Variants in KDM5B observed in about 807,000 individuals in gnomAD.
KDM5B encodes the protein lysine demethylase 5B.
KDM5B carries 144 observed loss-of-function variants against 193.4 expected under a neutral mutation model. The ratio of observed to expected loss-of-function variants is 0.74; its 90% CI spans 0.65 to 0.86. The LOEUF (loss-of-function observed/expected upper bound fraction) is 0.86. KDM5B is among the 40% of genes least tolerant of loss of function. KDM5B has a pLI of 0.00. For synonymous variants in KDM5B, 668 were observed against 682.6 expected (o/e 0.98, Z 0.33); for missense variants, 1,833 against 1,886.9 (o/e 0.97, Z 0.53).
At chr1:202,747,585 A>AAAC (rs1655613002) in intron 14 of KDM5B, among the ~76,000 whole-genome samples, 1 of 151,888 alleles carries the variant, frequency 6.6e-6, no homozygotes, top group African/African-American at 2.4e-5. Flanking sequence ...AAAAAAAAAA[A>AAAC]ACAGTATTAC....
chr1:202,770,572 T>A (rs1656671920), intron 4 of KDM5B, among the ~76,000 whole-genome samples: 2 of 152,190 alleles, frequency 1.3e-5, no homozygotes, highest in Non-Finnish European at 2.9e-5. Flanking sequence ...CTAAACATTC[T>A]ACAATAGAAG....
rs1343724403 is a variant in KDM5B, at chr1:202,728,978, A to C, written c.*58T>G. On this transcript the variant is annotated 3_prime_UTR_variant, in exon 27 of 27. Transcript: ENST00000367265. ...TGTAGCTTTGCTGAGATTTGAAGAA[A>C]TCCTCTTGGTTGGAGTCCTGAATTA... 1 of 1,608,010 alleles carries C rather than the reference A, an allele frequency of 6.2e-7. No individual in the cohort carries two copies. The highest frequency in any genetic ancestry group is 2.2e-5 in the East Asian group (1 of 44,838).
intron 22 of KDM5B, among the ~76,000 whole-genome samples, chr1:202,734,631 T>G (rs1360545010): frequency 8.5e-5 from 13 of 152,196 alleles, no homozygotes; most frequent in Non-Finnish European, 5.9e-5. Context: ...TTTCAGTTAG[T>G]CTTTATAAAA....
At position 202,731,808 on chromosome 1, in the gene KDM5B, C is replaced by T. The variant is rs755488963; in HGVS notation, c.4021+20G>A. ...TCACTCATTACTATCCAGCCCTCAA[C>T]GTAATAACAAAATACAAACCATGGA... On this transcript the variant is annotated intron_variant, in intron 24 of 26. Coordinates refer to ENST00000367265, the MANE Select transcript of KDM5B (RefSeq NM_006618.5). 1.0e-5 allele frequency: 15 copies of T among 1,499,228 alleles called. No homozygotes were observed. The highest frequency in any genetic ancestry group is 9.0e-5 in the East Asian group (4 of 44,308). The allele number at this position is 1,499,228 out of a possible 1,614,324, so 92.9% of individuals were successfully genotyped here.
In KDM5B at chr1:202,728,913, A is replaced by G. The variant is rs527249522; in HGVS notation, c.*123T>C. On this transcript the variant is annotated 3_prime_UTR_variant, in exon 27 of 27. Transcript: ENST00000367265. The stretch of plus-strand genomic sequence containing the variant: ...CTGGAAAAATGATCCCATAAGGAAT[A>G]GAAATAGCACCGTTTACAGGCTGGC... 7.1e-5 allele frequency: 79 copies of G among 1,109,798 alleles called. No individual in the cohort carries two copies. The Middle Eastern group carries it at 1.9e-3, about 26-fold the overall frequency. The allele number at this position is 1,109,798 out of a possible 1,614,324, so 68.7% of individuals were successfully genotyped here. A position where few individuals can be genotyped will look rare whatever the true frequency, so the allele number is the denominator to read the frequency against.
At chr1:202,776,319 C>T (rs1394161801) in intron 2 of KDM5B, 1 of 152,120 alleles carries the variant, frequency 6.6e-6, no homozygotes, top group Non-Finnish European at 1.5e-5. Context: ...CTCAGTAAAC[C>T]TTCCTGTGAT....
intron 25 of KDM5B, 89 bp from the exon 26 acceptor site, chr1:202,730,116 A>T: frequency 9.1e-7 from 1 of 1,103,430 alleles, no homozygotes; most frequent in Non-Finnish European, 1.3e-6. Flanking sequence ...TAAATTAGAA[A>T]TCAGATGATC....
chr1:202,766,157 G>A (rs1656448126), intron 5 of KDM5B, among the ~76,000 whole-genome samples: 1 of 152,102 alleles, frequency 6.6e-6, no homozygotes, highest in African/African-American at 2.4e-5. Flanking sequence ...CAAAGTTGCA[G>A]TAAGCTATGA....
chr1:202,741,936 T>C (rs554465128), intron 18 of KDM5B, among the ~76,000 whole-genome samples: 1 of 122,236 alleles, frequency 8.2e-6, no homozygotes, highest in African/African-American at 2.5e-5. Flanking sequence ...GGTCACTTTC[T>C]CTTTTTTTTT....
intron 23 of KDM5B, chr1:202,732,151 C>T (rs1267725897): frequency 2.0e-6 from 1 of 507,596 alleles, no homozygotes; most frequent in Non-Finnish European, 3.4e-6. Context: ...TTAATCTTTC[C>T]AGTTTTACTT....
At chr1:202,738,118 TCCTTAAATATATGATGCAAAAAAA>T (rs1655165095) in intron 20 of KDM5B, among the ~76,000 whole-genome samples, 2 of 152,186 alleles carry the variant, frequency 1.3e-5, no homozygotes. Context: ...TGTGTAGCAG[TCCTTAAATATATGATGCAAAAAAA>T]AGGTAGGCTA....
At position 202,746,116 on chromosome 1, in the gene KDM5B, G is replaced by GA. The variant is rs3216061; in HGVS notation, c.2198+25dup. The GA allele has an allele frequency of 0.75, 1,168,696 of 1,557,406 alleles. 444,752 individuals are homozygous for GA. The highest frequency in any genetic ancestry group is 0.84 in the Admixed American group (46,319 of 55,432). ...AGTAAGGATCAACTGTTTTCCATAG[G>GA]AAAAAAAATCGTTCTTCCTACTTAC... On this transcript the variant is annotated intron_variant, in intron 15 of 26. Coordinates refer to ENST00000367265, the MANE Select transcript of KDM5B (RefSeq NM_006618.5).
At chr1:202,787,728 A>T (rs1185204855) in intron 1 of KDM5B, among the ~76,000 whole-genome samples, 1 of 151,844 alleles carries the variant, frequency 6.6e-6, no homozygotes, top group African/African-American at 2.4e-5. Context: ...ACTTTAAAAA[A>T]AAAAAATACA....
chr1:202,751,385 G>A (rs914523526), intron 12 of KDM5B, among the ~76,000 whole-genome samples: 4 of 152,150 alleles, frequency 2.6e-5, no homozygotes, highest in Non-Finnish European at 4.4e-5. Flanking sequence ...CTAGGAGCTT[G>A]TTGGAAATGC....
chr1:202,788,224 T>C (rs1657492379), intron 1 of KDM5B, among the ~76,000 whole-genome samples: 1 of 152,166 alleles, frequency 6.6e-6, no homozygotes, highest in South Asian at 2.1e-4. Context: ...TAAAGTCCTA[T>C]CACCAAAAAG....
chr1:202,778,090 G>A (rs1483479782), intron 1 of KDM5B, among the ~76,000 whole-genome samples: 8 of 151,824 alleles, frequency 5.3e-5, no homozygotes, highest in African/African-American at 1.7e-4. Flanking sequence ...CAGGAGAATC[G>A]CTGGAACACA....
Position 202,741,734 on chromosome 1 carries a change from T to A in KDM5B, c.2590-12A>T. 1 of 1,476,142 alleles carries A rather than the reference T, an allele frequency of 6.8e-7. No individual in the cohort carries two copies. Among genetic ancestry groups the A allele is most frequent in the South Asian group, 1.2e-5 (1 of 85,790 alleles). 91.4% of individuals were successfully genotyped at this position (1,476,142 alleles called of 1,614,324 possible). On this transcript the variant is annotated splice_polypyrimidine_tract_variant and intron_variant, in intron 18 of 26. Coordinates refer to ENST00000367265, the MANE Select transcript of KDM5B (RefSeq NM_006618.5). ...CGATTCAAGAGATCCTAAAAAAAAA[T>A]ACACAGGTTGTTGCATTAAAACAGT...
rs1655538203 is a variant in KDM5B at position 202,745,969 on chromosome 1, G to C, written c.2212C>G (p.Leu738Val). ...YKYKLRYRYT[L>V]DDLYPMMNAL... ...TTCATCATAGGGTAGAGATCATCCA[G>C]CGTGTACCTATACCTGGAAATAATA... is the stretch of plus-strand genomic sequence containing the variant. Residue 738 changes from leucine to valine, a missense_variant, in exon 16 of 27, where the codon CTG becomes GTG. Leu to Val is a conservative substitution (Grantham distance 32, BLOSUM62 1). Around this residue, in one of 3 missense-constraint regions of KDM5B, gnomAD observed 1,379 missense variants for 1,349.6 expected, o/e 1.02. Coordinates refer to ENST00000367265, the MANE Select transcript of KDM5B (RefSeq NM_006618.5). 6.2e-7 allele frequency: 1 copy of C among 1,613,874 alleles called. No homozygotes were observed. Among genetic ancestry groups the C allele is most frequent in the East Asian group, 2.2e-5 (1 of 44,874 alleles).
chr1:202,754,568 G>C (rs1038022646), intron 11 of KDM5B, among the ~76,000 whole-genome samples: 3 of 152,148 alleles, frequency 2.0e-5, no homozygotes, highest in African/African-American at 7.2e-5. Flanking sequence ...GGACACTGTG[G>C]TACCTACTAT....
Sources: allele counts gnomAD v4.1 joint callset (sites outside exome capture counted in the v4.1 genomes callset), GRCh38; gene constraint gnomAD v4.1.1; regional missense constraint gnomAD v4.1.1; transcripts MANE v1.5; gene names NCBI Gene and HGNC (gene_info 2026-07-23, HGNC 2026-07-21).